The following SEM1 variants were observed in gnomAD, a reference collection of about 807,000 sequenced individuals.
SEM1 encodes SEM1 26S proteasome subunit.
In SEM1, 3 loss-of-function variants were observed where a neutral mutation model predicts 12.7. The observed-to-expected ratio is 0.24, with a 90% CI of 0.11 to 0.61. SEM1 has a LOEUF of 0.61. SEM1 is among the 20% of genes least tolerant of loss of function. The pLI is 0.88. For synonymous variants in SEM1, 30 were observed against 27.8 expected (o/e 1.08, Z -0.25); for missense variants, 59 against 81.3 (o/e 0.73, Z 1.06).
intron 2 of SEM1, among the ~76,000 whole-genome samples, chr7:96,525,247 C>T (rs1369286880): frequency 6.8e-6 from 1 of 147,810 alleles, no homozygotes; most frequent in East Asian, 2.2e-4. Flanking sequence ...TTGATCTTGT[C>T]TAGTCCTGAC....
intron 2 of SEM1, chr7:96,645,519 A>T: frequency 2.8e-6 from 1 of 362,222 alleles, no homozygotes; most frequent in Non-Finnish European, 4.9e-6. Flanking sequence ...ATGGGAAGGA[A>T]GTATGTTCCA....
At chr7:96,490,455 A>G (rs1802961404) in intron 1 of SEM1, among the ~76,000 whole-genome samples, 2 of 152,210 alleles carry the variant, frequency 1.3e-5, no homozygotes, top group Admixed American at 1.3e-4. Context: ...ACTTCCCATT[A>G]TGAACTAGAA....
intron 2 of SEM1, among the ~76,000 whole-genome samples, chr7:96,552,265 T>C (rs1805306031): frequency 6.6e-6 from 1 of 152,220 alleles, no homozygotes; most frequent in East Asian, 1.9e-4. Context: ...TATGTATACA[T>C]GTGCCATGCT....
chr7:96,640,099 TATC>T lies in SEM1; in HGVS notation c.171-17459_171-17457del, dbSNP rs758737165. 3.0e-4 allele frequency among the ~76,000 whole-genome samples: 45 copies of T among 151,974 alleles called. No homozygotes were observed. Among genetic ancestry groups the T allele is most frequent in the Non-Finnish European group, 5.7e-4 (39 of 67,936 alleles). On this transcript the variant is annotated intron_variant, in intron 2 of 2. Transcript: ENST00000417009. This position sits in a 1 kb window ranked among gnomAD's most constrained non-coding sequence, Gnocchi z 4.0. ...GGTGAGGATGTAGAGCAACAGGAAT[TATC>T]ATTCACTGCTGTAATGAATACAAAT...
In SEM1 at chr7:96,695,125, C is replaced by A. The variant is rs189080599; in HGVS notation, c.77-234G>T. Reference sequence around the variant, plus strand: ...ACAAAAAATTCTACTTGCCAAGAAACTTACAATTTCAGGAGGATATTTACT... The same window carrying A: ...ACAAAAAATTCTACTTGCCAAGAAAATTACAATTTCAGGAGGATATTTACT... On this transcript the variant is annotated intron_variant, in intron 1 of 2. Transcript: ENST00000248566. The A allele has an allele frequency of 6.0e-4, 196 of 325,424 alleles. 1 individual carries two copies. Among genetic ancestry groups the A allele is most frequent in the African/African-American group, 3.9e-3 (184 of 46,862 alleles). The allele number at this position is 325,424 out of a possible 1,614,324, so 20.2% of individuals were successfully genotyped here. A position where few individuals can be genotyped will look rare whatever the true frequency, so the allele number is the denominator to read the frequency against.
chr7:96,579,375 C>T (rs1338547404), intron 2 of SEM1, among the ~76,000 whole-genome samples: 4 of 152,210 alleles, frequency 2.6e-5, no homozygotes, highest in African/African-American at 9.7e-5. Context: ...ATCTGTTTCA[C>T]CATTTGGTTC....
intron 2 of SEM1, among the ~76,000 whole-genome samples, chr7:96,600,887 G>A (rs376884394): frequency 4.4e-4 from 67 of 152,280 alleles, no homozygotes; most frequent in African/African-American, 1.5e-3. Flanking sequence ...AGAAATAGGA[G>A]GCAGAGAGGA....
chr7:96,648,931 TC>T (rs1443451451), intron 2 of SEM1, among the ~76,000 whole-genome samples: 2 of 152,158 alleles, frequency 1.3e-5, no homozygotes, highest in Non-Finnish European at 2.9e-5. Context: ...AATGTTTTTT[TC>T]CCCTGCCTGG....
At chr7:96,543,987 G>C (rs1805030164) in intron 2 of SEM1, among the ~76,000 whole-genome samples, 1 of 151,996 alleles carries the variant, frequency 6.6e-6, no homozygotes, top group African/African-American at 2.4e-5. Context: ...AAGCAGGAGT[G>C]TCCCACAAAT....
intron 2 of SEM1, among the ~76,000 whole-genome samples, chr7:96,666,625 C>T (rs10270175): frequency 0.14 from 21,127 of 149,364 alleles, 2,584 homozygotes; most frequent in African/African-American, 0.34. Context: ...TTGAATGCTG[C>T]TATTGAATCC....
chr7:96,688,210 G>A (rs1789819459), downstream of SEM1: 1 of 152,014 alleles, frequency 6.6e-6, no homozygotes, highest in Non-Finnish European at 1.5e-5. Flanking sequence ...TGAAAACTCA[G>A]TTGTACTAAA....
intron 3 of SEM1, among the ~76,000 whole-genome samples, chr7:96,502,151 A>G (rs1273656371): frequency 6.6e-6 from 1 of 152,132 alleles, no homozygotes; most frequent in Non-Finnish European, 1.5e-5. Flanking sequence ...TTTAATTTTC[A>G]GAAATGCTCT....
chr7:96,695,213 A>C, intron 1 of SEM1: 1 of 194,860 alleles, frequency 5.1e-6, no homozygotes, highest in Non-Finnish European at 1.0e-5. Context: ...AAAACACAAC[A>C]CCAACAACCC....
chr7:96,553,364 T>C (rs1266137787), intron 2 of SEM1, among the ~76,000 whole-genome samples: 2 of 151,124 alleles, frequency 1.3e-5, no homozygotes. Context: ...CTTGAATTGA[T>C]TTTTGTATAA....
At chr7:96,538,499 C>G (rs1804856524) in intron 2 of SEM1, among the ~76,000 whole-genome samples, 2 of 151,816 alleles carry the variant, frequency 1.3e-5, no homozygotes, top group South Asian at 4.1e-4. Context: ...TGCAAAAGGA[C>G]TCACCTTCCT....
chr7:96,622,614 C>T (rs751145559), exon 3 of SEM1: 10 of 764,798 alleles, frequency 1.3e-5, no homozygotes, highest in Admixed American at 1.7e-5. Context: ...CAATTCTCCC[C>T]GCTATTCCTC....
chr7:96,486,227 G>A, exon 2 of SEM1: 1 of 1,534,590 alleles, frequency 6.5e-7, no homozygotes. Context: ...TAACTCTGTT[G>A]TCGCTCTGGA....
At chr7:96,662,152 C>T (rs978624734) in intron 2 of SEM1, among the ~76,000 whole-genome samples, 1 of 152,066 alleles carries the variant, frequency 6.6e-6, no homozygotes, top group Non-Finnish European at 1.5e-5. Context: ...TGCCATTTGA[C>T]CCAGCAATCC....
chr7:96,552,707 G>A (rs1805324749), intron 2 of SEM1, among the ~76,000 whole-genome samples: 1 of 152,004 alleles, frequency 6.6e-6, no homozygotes, highest in South Asian at 2.1e-4. Context: ...TATATACCCA[G>A]TAATGGGATG....
Sources: gnomAD v4.1 joint callset for allele counts (sites outside exome capture counted in the v4.1 genomes callset) on GRCh38, gnomAD v4.1.1 for gene constraint, Gnocchi (gnomAD v3.1) non-coding constraint, MANE v1.5 for transcripts, NCBI Gene and HGNC (gene_info 2026-07-23, HGNC 2026-07-21) for gene names.